Variants in N4BP2L2 observed in about 807,000 individuals in gnomAD.
N4BP2L2 encodes the protein NEDD4 binding protein 2 like 2.
In N4BP2L2, 50 loss-of-function variants were observed where a neutral mutation model predicts 56.2. The observed-to-expected ratio is 0.89, with a 90% CI of 0.71 to 1.13. The LOEUF (loss-of-function observed/expected upper bound fraction) is 1.13. Ranked by LOEUF, N4BP2L2 falls within the 50% of genes most tolerant of loss-of-function variation. N4BP2L2 has a pLI of 0.00. For synonymous variants in N4BP2L2, 203 were observed against 223.6 expected (o/e 0.91, Z 0.82); for missense variants, 689 against 693.8 (o/e 0.99, Z 0.08).
intron 6 of N4BP2L2, among the ~76,000 whole-genome samples, chr13:32,467,474 C>T (rs989701704): frequency 1.1e-4 from 16 of 151,144 alleles, no homozygotes; most frequent in African/African-American, 2.9e-4. Flanking sequence ...TTTAGGGTTT[C>T]GCTATGTTGG....
chr13:32,517,479 T>C, exon 6 of N4BP2L2: 4 of 1,045,268 alleles, frequency 3.8e-6, no homozygotes, highest in Non-Finnish European at 4.6e-6. Flanking sequence ...AAAAAACTGT[T>C]CAATAGTGTC....
intron 6 of N4BP2L2, among the ~76,000 whole-genome samples, chr13:32,463,120 C>G (rs1406138048): frequency 6.6e-6 from 1 of 151,872 alleles, no homozygotes; most frequent in East Asian, 1.9e-4. Flanking sequence ...GATGGAAGTA[C>G]AAAAGAGACC....
At chr13:32,486,677 AAAT>A (rs561649707) in intron 6 of N4BP2L2, among the ~76,000 whole-genome samples, 117 of 151,174 alleles carry the variant, frequency 7.7e-4, no homozygotes, top group Non-Finnish European at 1.5e-3. Flanking sequence ...CTTCATCTCA[AAAT>A]AATAATAATA....
downstream of N4BP2L2, chr13:32,505,518 T>A (rs989801218): frequency 7.9e-5 from 12 of 152,296 alleles, no homozygotes; most frequent in Non-Finnish European, 1.6e-4. Context: ...CTTCTTAAAT[T>A]TCTCTCTCTC....
chr13:32,536,178 T>C lies in N4BP2L2; in HGVS notation c.850A>G (p.Ser284Gly), dbSNP rs576484917. Residue 284 changes from serine to glycine, a missense_variant, in exon 2 of 6, where the codon AGT becomes GGT. Coordinates refer to ENST00000267068, the Ensembl canonical transcript of N4BP2L2. ...TGAATGTTTAAATGATAGTTCAAACTGGGAAGAGGGGGACCATAGGGCACT... is the reference window on the plus strand; with the variant it reads ...TGAATGTTTAAATGATAGTTCAAACCGGGAAGAGGGGGACCATAGGGCACT... 87 of 1,614,144 alleles carry C rather than the reference T, an allele frequency of 5.4e-5. 1 individual carries two copies. The South Asian group carries it at 9.4e-4, about 18-fold the overall frequency.
At chr13:32,453,256 C>CA (rs1422518505) in intron 6 of N4BP2L2, among the ~76,000 whole-genome samples, 1 of 151,742 alleles carries the variant, frequency 6.6e-6, no homozygotes, top group Non-Finnish European at 1.5e-5. Flanking sequence ...ACTTTGTCTT[C>CA]AAAAAAAGAA....
At chr13:32,521,661 T>C (rs1257431982) in intron 4 of N4BP2L2, 1 of 458,414 alleles carries the variant, frequency 2.2e-6, no homozygotes, top group African/African-American at 2.1e-5. Flanking sequence ...TTCCTTAAGA[T>C]TACTATCCTT....
intron 6 of N4BP2L2, chr13:32,478,376 A>T (rs916176434): frequency 4.8e-6 from 1 of 210,268 alleles, no homozygotes; most frequent in African/African-American, 2.3e-5. Context: ...TGTGTGCCAC[A>T]CTGTTATTCC....
intron 6 of N4BP2L2, among the ~76,000 whole-genome samples, chr13:32,483,617 A>G (rs1249524450): frequency 6.6e-6 from 1 of 152,270 alleles, no homozygotes; most frequent in Non-Finnish European, 1.5e-5. Flanking sequence ...GTATGGGGGT[A>G]GAGCAGGAAT....
chr13:32,442,181 T>C (rs2076495710), intron 7 of N4BP2L2, among the ~76,000 whole-genome samples: 1 of 152,112 alleles, frequency 6.6e-6, no homozygotes, highest in African/African-American at 2.4e-5. Flanking sequence ...CTCAAAGACA[T>C]TGAAAGAGAC....
intron 6 of N4BP2L2, among the ~76,000 whole-genome samples, chr13:32,497,633 G>A (rs1328427945): frequency 6.6e-6 from 1 of 152,334 alleles, no homozygotes; most frequent in East Asian, 1.9e-4. Context: ...GCCTCCCAAA[G>A]AGCAGAGTGC....
chr13:32,499,731 C>T (rs1021712232), intron 6 of N4BP2L2, among the ~76,000 whole-genome samples: 20 of 152,194 alleles, frequency 1.3e-4, no homozygotes, highest in African/African-American at 4.6e-4. Flanking sequence ...TTACTTCTTC[C>T]TGTCCCACCC....
chr13:32,521,511 GCAGA>G (rs1391089635), intron 4 of N4BP2L2, 62 bp from the exon 5 acceptor site: 12 of 1,162,486 alleles, frequency 1.0e-5, no homozygotes, highest in African/African-American at 7.8e-5. Context: ...TAAAAAGAAG[GCAGA>G]CAGTTAAATT....
chr13:32,529,829 G>C (rs558036258), intron 2 of N4BP2L2, among the ~76,000 whole-genome samples: 85 of 151,692 alleles, frequency 5.6e-4, no homozygotes, highest in Admixed American at 1.2e-3. Flanking sequence ...AAGTTCAAGT[G>C]GTTCTCCTGC....
At chr13:32,497,681 C>T (rs2089041839) in intron 6 of N4BP2L2, among the ~76,000 whole-genome samples, 1 of 152,232 alleles carries the variant, frequency 6.6e-6, no homozygotes, top group Admixed American at 6.5e-5. Context: ...ATCAGAACAG[C>T]AGATATGCCT....
chr13:32,490,102 G>C (rs1432112468), intron 6 of N4BP2L2: 1 of 151,902 alleles, frequency 6.6e-6, no homozygotes, highest in Non-Finnish European at 1.5e-5. Flanking sequence ...CCTGGGCAAA[G>C]CACTCTTTCT....
intron 1 of N4BP2L2, among the ~76,000 whole-genome samples, chr13:32,538,308 T>C (rs1355003361): frequency 6.6e-6 from 1 of 152,236 alleles, no homozygotes; most frequent in South Asian, 2.1e-4. Context: ...TCATTCGAAA[T>C]GTGTCAGAAA....
At chr13:32,483,719 G>GT (rs1477711281) in intron 6 of N4BP2L2, among the ~76,000 whole-genome samples, 4 of 151,882 alleles carry the variant, frequency 2.6e-5, no homozygotes, top group Admixed American at 1.3e-4. Flanking sequence ...TTTTTGTTTT[G>GT]TTTTTTTGCT....
intron 6 of N4BP2L2, among the ~76,000 whole-genome samples, chr13:32,479,902 G>A (rs948451814): frequency 1.3e-5 from 2 of 151,744 alleles, no homozygotes; most frequent in African/African-American, 4.8e-5. Context: ...GAGAGACAGA[G>A]ACACAGAGTG....
Sources: gnomAD v4.1 joint callset for allele counts (sites outside exome capture counted in the v4.1 genomes callset) on GRCh38, gnomAD v4.1.1 for gene constraint, MANE v1.5 for transcripts, NCBI Gene and HGNC (gene_info 2026-07-23, HGNC 2026-07-21) for gene names.